Variants in GALNS observed in about 807,000 individuals in gnomAD.
The protein encoded by GALNS is N-acetylgalactosamine-6-sulfatase.
Under a neutral mutation model 65.9 loss-of-function variants are expected in GALNS, and 65 were observed. That is an observed-to-expected ratio of 0.99 (90% confidence interval 0.81 to 1.21). The LOEUF is 1.21. Among genes scored for constraint, GALNS ranks in the 50% most tolerant of loss-of-function variants. The pLI is 0.00. For synonymous variants in GALNS, 346 were observed against 288.9 expected (o/e 1.20, Z -2.00); for missense variants, 776 against 700.7 (o/e 1.11, Z -1.21).
At chr16:88,834,537 A>G (rs56205006) in intron 8 of GALNS, among the ~76,000 whole-genome samples, 15 of 121,648 alleles carry the variant, frequency 1.2e-4, no homozygotes, top group Admixed American at 2.8e-4. Flanking sequence ...GGCTCTCCCC[A>G]CCGCGTGGTC....
chr16:88,835,280 G>A lies in GALNS; in HGVS notation c.831C>T (p.Val277=), dbSNP rs994978264. ...KILELLQDLH[V]ADNTFVFFTS... is the part of the protein sequence containing the mutation. ...TGAAGAAGACGAAGGTGTTGTCCGC[G>A]ACGTGCAGGTCTTGGAGGAGCTCCA... The change falls in exon 8 of 14, where the codon GTC becomes GTT. Residue 277 remains valine (V), a synonymous_variant. Transcript: ENST00000268695. 10 of 1,612,658 alleles carry A rather than the reference G, an allele frequency of 6.2e-6. No homozygotes were observed. The highest frequency in any genetic ancestry group is 1.1e-5 in the South Asian group (1 of 90,630).
At chr16:88,855,138 C>T in intron 1 of GALNS, 2 of 578,776 alleles carry the variant, frequency 3.5e-6, no homozygotes, top group Non-Finnish European at 6.4e-6. Flanking sequence ...TACAGACTAA[C>T]TTTATATTTT....
intron 1 of GALNS, among the ~76,000 whole-genome samples, chr16:88,854,680 C>T (rs1967693611): frequency 6.6e-6 from 1 of 152,230 alleles, no homozygotes; most frequent in African/African-American, 2.4e-5. Context: ...GACTTGGAGT[C>T]ACCTAGGACC....
chr16:88,844,959 T>G (rs1194699443), intron 1 of GALNS: 2 of 152,276 alleles, frequency 1.3e-5, no homozygotes, highest in East Asian at 1.9e-4. Flanking sequence ...ACATCTGAAT[T>G]TCATATAATT....
rs1030394229 is a variant in GALNS, at chr16:88,817,491, T to C, written c.1482+516A>G. ...CATGAAGGAGGCACAAATGAGAACC[T>C]CGCAGGTGGGCCCTGGGGCCGCCGC... On this transcript the variant is annotated intron_variant, in intron 13 of 13. Transcript: ENST00000268695. 8 of 985,336 alleles carry C rather than the reference T, an allele frequency of 8.1e-6. No homozygotes were observed. The East Asian group carries it at 9.1e-4, about 112-fold the overall frequency. 61.0% of individuals were successfully genotyped at this position (985,336 alleles called of 1,614,324 possible).
chr16:88,853,251 C>CAAA (rs34618279), intron 1 of GALNS, among the ~76,000 whole-genome samples: 48 of 64,580 alleles, frequency 7.4e-4, no homozygotes, highest in African/African-American at 1.2e-3. Flanking sequence ...GACTCCATCT[C>CAAA]AAAAAAAAAA....
At chr16:88,854,350 C>T (rs985933996) in intron 1 of GALNS, among the ~76,000 whole-genome samples, 2 of 152,226 alleles carry the variant, frequency 1.3e-5, no homozygotes, top group East Asian at 1.9e-4. Flanking sequence ...CCTGTGAGGA[C>T]CCCCTTGCAC....
intron 13 of GALNS, chr16:88,816,463 G>A: frequency 1.0e-6 from 1 of 985,350 alleles, no homozygotes; most frequent in Middle Eastern, 5.2e-4. Flanking sequence ...AGCTGCCCAG[G>A]TCCCTTTGAA....
Position 88,841,095 on chromosome 16 carries a change from C to A in GALNS, c.320-1G>T, listed in dbSNP as rs1245504167. ...CCCACAATCTCCTGCGGTGTGTAGGCTGGAAGAGCAGCGCTGGGTGAGCCC... is the reference window on the plus strand; with the variant it reads ...CCCACAATCTCCTGCGGTGTGTAGGATGGAAGAGCAGCGCTGGGTGAGCCC... On this transcript the variant is annotated splice_acceptor_variant, in intron 3 of 13. Coordinates refer to ENST00000268695, the MANE Select transcript of GALNS (RefSeq NM_000512.5). LOFTEE classifies it high-confidence loss of function. The A allele has an allele frequency of 3.7e-6, 6 of 1,612,436 alleles. No homozygotes were observed. In the Admixed American group the frequency reaches 8.3e-5, roughly 22 times the overall value.
chr16:88,835,905 C>A lies in GALNS; in HGVS notation c.634-56G>T. ...GCCTCAGGCCGACCTCCTCATGCCT[C>A]CCACGGTCCCCGTCCCCACACGTCC... On this transcript the variant is annotated intron_variant, in intron 6 of 13. Coordinates refer to ENST00000268695, the MANE Select transcript of GALNS (RefSeq NM_000512.5). 3 of 1,611,792 alleles carry A rather than the reference C, an allele frequency of 1.9e-6. No homozygotes were observed. The African/African-American group carries it at 4.0e-5, about 21-fold the overall frequency.
At chr16:88,833,520 C>T (rs1267443807) in intron 8 of GALNS, among the ~76,000 whole-genome samples, 4 of 149,914 alleles carry the variant, frequency 2.7e-5, no homozygotes, top group East Asian at 2.0e-4. Context: ...GGTGCGATCT[C>T]GGCTCACTGC....
intron 11 of GALNS, among the ~76,000 whole-genome samples, chr16:88,824,555 G>A (rs1482655451): frequency 6.6e-6 from 1 of 152,108 alleles, no homozygotes; most frequent in Non-Finnish European, 1.5e-5. Context: ...CATCACGCGG[G>A]GCAGGAAGAG....
At chr16:88,855,852 G>A in intron 1 of GALNS, 2 of 502,262 alleles carry the variant, frequency 4.0e-6, no homozygotes, top group Non-Finnish European at 7.2e-6. Context: ...GTCGGAGCCA[G>A]CACACAGGGG....
At chr16:88,833,999 G>T (rs1228388825) in intron 8 of GALNS, among the ~76,000 whole-genome samples, 3 of 151,920 alleles carry the variant, frequency 2.0e-5, no homozygotes, top group Non-Finnish European at 4.4e-5. Context: ...CATGGGGAAT[G>T]ACGGCCAACA....
intron 1 of GALNS, chr16:88,843,350 G>A: frequency 1.7e-6 from 1 of 573,340 alleles, no homozygotes; most frequent in Non-Finnish European, 2.7e-6. Context: ...CCAAGAGACT[G>A]AAACTTACGT....
chr16:88,816,260 C>T, intron 13 of GALNS: 4 of 985,434 alleles, frequency 4.1e-6, no homozygotes, highest in Non-Finnish European at 4.8e-6. Flanking sequence ...GCAGGTGTGG[C>T]CTGCGCCCGT....
chr16:88,856,204 G>C (rs1243965710), intron 1 of GALNS: 6 of 703,026 alleles, frequency 8.5e-6, no homozygotes, highest in South Asian at 7.4e-5. Context: ...AGGGACACCT[G>C]ACCTTCGCTC....
At position 88,822,684 on chromosome 16, in the gene GALNS, G is replaced by C; in HGVS notation, c.1269C>G (p.Asn423Lys). 1.2e-5 allele frequency: 19 copies of C among 1,612,954 alleles called. No individual in the cohort carries two copies. Among genetic ancestry groups the C allele is most frequent in the Non-Finnish European group, 1.5e-5 (18 of 1,179,716 alleles). ...GATTGTGAGTTGTGACCCCTGAAAC[G>C]TTCTGCCCAGGGCAGAAATCAATGC... is the stretch of plus-strand genomic sequence containing the variant. ...RQGIDFCPGQ[N>K]VSGVTTHNLE... Residue 423 changes from asparagine (N) to lysine (K), a missense_variant, in exon 12 of 14, where the codon AAC becomes AAG. Asn to Lys is a moderately conservative substitution (Grantham distance 94). Coordinates refer to ENST00000268695, the MANE Select transcript of GALNS (RefSeq NM_000512.5).
rs752937387 is a variant in GALNS at position 88,822,694 on chromosome 16, G to C, written c.1259C>G (p.Pro420Arg). 1.9e-6 allele frequency: 3 copies of C among 1,612,784 alleles called. No individual in the cohort carries two copies. The South Asian group carries it at 3.3e-5, about 18-fold the overall frequency. The change falls in exon 12 of 14, where the codon CCT (proline) becomes CGT (arginine). Residue 420 changes from proline (P) to arginine (R), a missense_variant. Coordinates refer to ENST00000268695, the MANE Select transcript of GALNS (RefSeq NM_000512.5). ...TGTGACCCCTGAAACGTTCTGCCCA[G>C]GGCAGAAATCAATGCCCTGCAATGA... is the stretch of plus-strand genomic sequence containing the variant. The part of the protein sequence containing the change: ...ENFRQGIDFC[P>R]GQNVSGVTTH...
Sources: gnomAD v4.1 joint callset for allele counts (sites outside exome capture counted in the v4.1 genomes callset) on GRCh38, gnomAD v4.1.1 for gene constraint, MANE v1.5 for transcripts, NCBI Gene and HGNC (gene_info 2026-07-23, HGNC 2026-07-21) for gene names.